The following KLF5 variants were observed in gnomAD, a reference collection of about 807,000 sequenced individuals.
KLF5 encodes KLF transcription factor 5.
A neutral mutation model predicts 36.9 loss-of-function variants in KLF5; 9 were observed. The observed-to-expected ratio is 0.24, with a 90% CI of 0.15 to 0.43. KLF5 has a LOEUF of 0.43. KLF5 is among the 20% of genes least tolerant of loss of function. The pLI, the probability that KLF5 is intolerant of heterozygous loss-of-function variation, is 1.00. For missense variants in KLF5, 524 were observed against 599.5 expected (o/e 0.87, Z 1.31); for synonymous variants, 246 against 241.7 (o/e 1.02, Z -0.17).
At chr13:73,070,301 A>G (rs1278179824) in intron 3 of KLF5, among the ~76,000 whole-genome samples, 1 of 152,204 alleles carries the variant, frequency 6.6e-6, no homozygotes, top group Admixed American at 6.5e-5. Context: ...AAGGTTATCT[A>G]GTACTCATTC....
At position 73,061,989 on chromosome 13, in the gene KLF5, A is replaced by T; in HGVS notation, c.390A>T (p.Leu130Phe). Reference sequence around the variant, plus strand: ...AGTTCTTCACTGACACTGAAGGGTTACCTTACAGTATCAACATGAACGTCT... The same window carrying T: ...AGTTCTTCACTGACACTGAAGGGTTTCCTTACAGTATCAACATGAACGTCT... ...VDQFFTDTEGLPYSINMNVFL... is the reference protein window; with the variant it reads ...VDQFFTDTEGFPYSINMNVFL... The change falls in exon 2 of 4, where the codon TTA becomes TTT. Residue 130 changes from leucine to phenylalanine, a missense_variant. By Grantham distance (22) the Leu-to-Phe change is conservative. Coordinates refer to ENST00000377687, the MANE Select transcript of KLF5 (RefSeq NM_001730.5). 6.2e-7 allele frequency: 1 copy of T among 1,614,232 alleles called. No individual in the cohort carries two copies. Among genetic ancestry groups the T allele is most frequent in the Non-Finnish European group, 8.5e-7 (1 of 1,180,040 alleles).
chr13:73,059,419 A>C lies in KLF5; in HGVS notation c.92A>C (p.Lys31Thr), dbSNP rs928775073. 1.5e-6 allele frequency: 2 copies of C among 1,357,972 alleles called. No homozygotes were observed. The highest frequency in any genetic ancestry group is 1.9e-6 in the Non-Finnish European group (2 of 1,055,938). 84.1% of individuals were successfully genotyped at this position (1,357,972 alleles called of 1,614,324 possible). Residue 31 changes from lysine to threonine, a missense_variant, in exon 1 of 4, where the codon AAG becomes ACG. Lys to Thr is a moderately conservative substitution (Grantham distance 78). Coordinates refer to ENST00000377687, the MANE Select transcript of KLF5 (RefSeq NM_001730.5). Reference protein sequence around the residue: ...PQDEPVFAQLKPVLGAANPAR... With the variant: ...PQDEPVFAQLTPVLGAANPAR... ...GACGAGCCGGTGTTCGCGCAGCTCA[A>C]GCCGGTGCTGGGCGCCGCGAATCCG...
intron 3 of KLF5, among the ~76,000 whole-genome samples, chr13:73,065,479 GT>G (rs1439196195): frequency 3.9e-5 from 6 of 152,194 alleles, no homozygotes; most frequent in Non-Finnish European, 2.9e-5. Context: ...TGAGCGGGCT[GT>G]TTTGGCCTGA....
chr13:73,063,912 G>T (rs763438485), intron 3 of KLF5, 29 bp downstream of exon 3: 1 of 1,431,936 alleles, frequency 7.0e-7, no homozygotes, highest in Non-Finnish European at 9.8e-7. Flanking sequence ...AATTCTGTGA[G>T]TTGTGTAAAT....
chr13:73,063,158 G>A (rs1015055256), intron 2 of KLF5, among the ~76,000 whole-genome samples: 2 of 152,122 alleles, frequency 1.3e-5, no homozygotes, highest in Non-Finnish European at 2.9e-5. Context: ...ATTAAAGTAG[G>A]GTGGGGGAAA....
chr13:73,072,232 A>C (rs2044727264), intron 3 of KLF5, among the ~76,000 whole-genome samples: 1 of 152,190 alleles, frequency 6.6e-6, no homozygotes, highest in South Asian at 2.1e-4. Flanking sequence ...AGGGGGGAAA[A>C]AAAAGGACAA....
intron 1 of KLF5, 74 bp from the exon 2 acceptor site, chr13:73,061,787 T>C: frequency 1.4e-6 from 2 of 1,422,050 alleles, no homozygotes; most frequent in Non-Finnish European, 1.9e-6. Context: ...GAATTTTTAG[T>C]AGGCGCCGAT....
At chr13:73,064,016 C>T (rs997845724) in intron 3 of KLF5, 133 bp downstream of exon 3, 3 of 562,528 alleles carry the variant, frequency 5.3e-6, no homozygotes, top group Middle Eastern at 9.2e-4. Context: ...AATAGCCTAC[C>T]TTTTCAGCAC....
rs2044765609 is a variant in KLF5, at chr13:73,076,866, T to C, written c.*980T>C. On this transcript the variant is annotated 3_prime_UTR_variant, in exon 4 of 4. Transcript: ENST00000377687. ...CGTTGAATTGATGATGCAGTTTTCA[T>C]ATATCGAGATGTTCGCTCGTGCAGT... 1 of 152,220 alleles carries C rather than the reference T, an allele frequency of 6.6e-6. No individual in the cohort carries two copies. 9.4% of individuals were successfully genotyped at this position (152,220 alleles called of 1,614,324 possible). A position where few individuals can be genotyped will look rare whatever the true frequency, so the allele number is the denominator to read the frequency against.
In KLF5 at chr13:73,075,988, C is replaced by T; in HGVS notation, c.*102C>T. Reference sequence around the variant, plus strand: ...ACAAAAACAAACAAAAGCAAGAAAACCACAACTAAAACTGGAAATGTATAT... The same window carrying T: ...ACAAAAACAAACAAAAGCAAGAAAATCACAACTAAAACTGGAAATGTATAT... On this transcript the variant is annotated 3_prime_UTR_variant, in exon 4 of 4. Coordinates refer to ENST00000377687, the MANE Select transcript of KLF5 (RefSeq NM_001730.5). 1 of 959,012 alleles carries T rather than the reference C, an allele frequency of 1.0e-6. No homozygotes were observed. The highest frequency in any genetic ancestry group is 1.5e-6 in the Non-Finnish European group (1 of 686,520). The allele number at this position is 959,012 out of a possible 1,614,324, so 59.4% of individuals were successfully genotyped here.
chr13:73,073,453 A>G (rs2044736547), intron 3 of KLF5, among the ~76,000 whole-genome samples: 1 of 152,246 alleles, frequency 6.6e-6, no homozygotes. Context: ...TCAAGCAATC[A>G]GTAAAGTAAA....
chr13:73,062,654 A>G lies in KLF5; in HGVS notation c.1055A>G (p.Gln352Arg). 6.2e-7 allele frequency: 1 copy of G among 1,614,160 alleles called. No homozygotes were observed. The highest frequency in any genetic ancestry group is 8.5e-7 in the Non-Finnish European group (1 of 1,180,014). The stretch of plus-strand genomic sequence containing the variant: ...CCCACCACCCTGCCAGTTAACTCAC[A>G]AAACATCCAACCTGTCAGATACAAT... ...NLPTTLPVNS[Q>R]NIQPVRYNRR... The change falls in exon 2 of 4, where the codon CAA becomes CGA. Residue 352 changes from glutamine (Q) to arginine (R), a missense_variant. By Grantham distance (43) the Gln-to-Arg change is conservative. Transcript: ENST00000377687.
In KLF5 at chr13:73,064,994, A is replaced by G. The variant is rs2139108362; in HGVS notation, c.1195+1111A>G. On this transcript the variant is annotated intron_variant, in intron 3 of 3. Transcript: ENST00000377687. ...GCGATTTTCTTAAAAGAGCAGCCCT[A>G]AAGAAAAGAACTTATATAAAGTGAT... is the stretch of plus-strand genomic sequence containing the variant. Among the ~76,000 whole-genome samples, 3 of 152,342 alleles carry G rather than the reference A, an allele frequency of 2.0e-5. No homozygotes were observed. The South Asian group carries it at 6.2e-4, about 32-fold the overall frequency.
At chr13:73,069,185 T>C (rs763747613) in intron 3 of KLF5, among the ~76,000 whole-genome samples, 3 of 152,228 alleles carry the variant, frequency 2.0e-5, no homozygotes, top group Admixed American at 6.5e-5. Flanking sequence ...CAACATTCAG[T>C]GTTCTGAACA....
At chr13:73,067,293 C>T (rs2044687009) in intron 3 of KLF5, among the ~76,000 whole-genome samples, 2 of 152,114 alleles carry the variant, frequency 1.3e-5, no homozygotes, top group South Asian at 4.2e-4. Context: ...TGCTCACATA[C>T]CTTACTTTTT....
chr13:73,056,669 C>T (rs1048422742), upstream of KLF5, among the ~76,000 whole-genome samples: 16 of 152,196 alleles, frequency 1.1e-4, no homozygotes, highest in East Asian at 3.9e-4. Context: ...TTCCAATTTC[C>T]GTACTATTGT....
upstream of KLF5, among the ~76,000 whole-genome samples, chr13:73,056,111 T>C (rs1314654863): frequency 6.6e-6 from 1 of 152,044 alleles, no homozygotes. Flanking sequence ...ATTGAATGCC[T>C]GTTCAGCCCC....
At position 73,075,789 on chromosome 13, in the gene KLF5, A is replaced by C. The variant is rs1566567562; in HGVS notation, c.1277A>C (p.Lys426Thr). The change falls in exon 4 of 4, where the codon AAG becomes ACG. Residue 426 changes from lysine (K) to threonine (T), a missense_variant. Coordinates refer to ENST00000377687, the MANE Select transcript of KLF5 (RefSeq NM_001730.5). ...GATGAGCTGACCCGCCACTACCGGAAGCACACAGGCGCCAAGCCCTTCCAG... is the reference window on the plus strand; with the variant it reads ...GATGAGCTGACCCGCCACTACCGGACGCACACAGGCGCCAAGCCCTTCCAG... ...RSDELTRHYR[K>T]HTGAKPFQCG... 6.2e-7 allele frequency: 1 copy of C among 1,613,788 alleles called. No homozygotes were observed. The highest frequency in any genetic ancestry group is 1.7e-5 in the Admixed American group (1 of 59,996).
At chr13:73,067,845 T>C (rs2139111713) in intron 3 of KLF5, among the ~76,000 whole-genome samples, 1 of 149,220 alleles carries the variant, frequency 6.7e-6, no homozygotes, top group East Asian at 1.9e-4. Context: ...CACTCTTCTT[T>C]TTTTTTTTTT....
Sources: allele counts gnomAD v4.1 joint callset (sites outside exome capture counted in the v4.1 genomes callset), GRCh38; gene constraint gnomAD v4.1.1; transcripts MANE v1.5; gene names NCBI Gene and HGNC (gene_info 2026-07-23, HGNC 2026-07-21).